The following MAP2K2 variants were observed in gnomAD, a reference collection of about 807,000 sequenced individuals.
MAP2K2 encodes mitogen-activated protein kinase kinase 2.
In MAP2K2, 24 loss-of-function variants were observed where a neutral mutation model predicts 43.7. The observed-to-expected ratio is 0.55, with a 90% confidence interval of 0.40 to 0.77. MAP2K2 has a LOEUF of 0.77. MAP2K2 is among the 30% of genes least tolerant of loss of function. MAP2K2 has a pLI of 0.00. For missense variants in MAP2K2, 470 were observed against 566.8 expected, an observed-to-expected ratio of 0.83 and a Z score of 1.73; for synonymous variants, 244 against 239.7, an observed-to-expected ratio of 1.02 and a Z score of -0.17.
intron 3 of MAP2K2, among the ~76,000 whole-genome samples, chr19:4,105,635 C>T (rs2041076752): frequency 1.3e-5 from 2 of 152,126 alleles, no homozygotes; most frequent in African/African-American, 4.8e-5. Context: ...ATCACTTCCA[C>T]CATTCCCCCC....
intron 1 of MAP2K2, among the ~76,000 whole-genome samples, chr19:4,120,572 C>T (rs1373154514): frequency 6.6e-6 from 1 of 152,220 alleles, no homozygotes; most frequent in Non-Finnish European, 1.5e-5. Flanking sequence ...CCACCTTGGC[C>T]TCCCAAAGGG....
intron 4 of MAP2K2, 58 bp downstream of exon 4, chr19:4,102,318 T>G (rs960478288): frequency 4.2e-6 from 6 of 1,434,426 alleles, no homozygotes; most frequent in Non-Finnish European, 5.7e-6. Context: ...CCTGGCCGTG[T>G]GGAAGAGGTC....
intron 3 of MAP2K2, among the ~76,000 whole-genome samples, chr19:4,107,416 C>T (rs886631501): frequency 2.9e-5 from 4 of 138,720 alleles, no homozygotes; most frequent in African/African-American, 1.1e-4. Flanking sequence ...CCCAGCTACT[C>T]GGGAGGCTGA....
At chr19:4,094,588 C>G (rs577250529) in intron 9 of MAP2K2, 90 bp from the exon 10 acceptor site, 1 of 1,298,610 alleles carries the variant, frequency 7.7e-7, no homozygotes, top group African/African-American at 1.5e-5. Flanking sequence ...GCGTGTGGGC[C>G]GTGGTCGGAG....
intron 3 of MAP2K2, chr19:4,103,081 G>C (rs2041038203): frequency 2.0e-6 from 2 of 1,017,816 alleles, no homozygotes; most frequent in Admixed American, 5.1e-5. Flanking sequence ...GCCAGGCCGA[G>C]TAGGACCAGG....
chr19:4,096,225 C>G (rs1015886483), intron 8 of MAP2K2, among the ~76,000 whole-genome samples: 2 of 152,226 alleles, frequency 1.3e-5, no homozygotes, highest in East Asian at 1.9e-4. Flanking sequence ...GGGGAGAGGT[C>G]GGGGGATGTG....
intron 3 of MAP2K2, among the ~76,000 whole-genome samples, chr19:4,107,823 C>T (rs2041104230): frequency 6.6e-6 from 1 of 152,218 alleles, no homozygotes; most frequent in South Asian, 2.1e-4. Flanking sequence ...ATGGATGCAA[C>T]ACCTGTGCGT....
chr19:4,095,095 G>A, intron 9 of MAP2K2: 1 of 413,278 alleles, frequency 2.4e-6, no homozygotes, highest in Non-Finnish European at 4.5e-6. Context: ...AGGGGTCCGG[G>A]GACCAGACAG....
At chr19:4,102,773 C>T (rs955689421) in intron 3 of MAP2K2, 26 of 1,270,228 alleles carry the variant, frequency 2.0e-5, no homozygotes, top group South Asian at 1.8e-4. Flanking sequence ...AAGCCGCGGC[C>T]GGGGGCTCAG....
chr19:4,117,328 G>A, intron 2 of MAP2K2, 91 bp downstream of exon 2: 1 of 1,201,760 alleles, frequency 8.3e-7, no homozygotes, highest in Non-Finnish European at 1.2e-6. Context: ...TAATCAGAAT[G>A]CAGAGACCCG....
At chr19:4,092,143 G>A (rs1340500431) in intron 10 of MAP2K2, among the ~76,000 whole-genome samples, 1 of 152,190 alleles carries the variant, frequency 6.6e-6, no homozygotes, top group Non-Finnish European at 1.5e-5. Flanking sequence ...AGGACCTTGG[G>A]CCCCTGAATG....
chr19:4,106,236 T>A (rs897459911), intron 3 of MAP2K2, among the ~76,000 whole-genome samples: 4 of 151,912 alleles, frequency 2.6e-5, no homozygotes, highest in African/African-American at 9.7e-5. Context: ...AGAGACCCTA[T>A]CTCTACACAA....
chr19:4,099,289 G>A lies in MAP2K2; in HGVS notation c.831C>T (p.Ala277=), dbSNP rs2145049984. Residue 277 remains alanine, a synonymous_variant, in exon 7 of 11, where the codon GCC becomes GCT. Coordinates refer to ENST00000262948, the MANE Select transcript of MAP2K2 (RefSeq NM_030662.4). ...IPPPDAKELE[A]IFGRPVVDGE... ...CGTCGACCACGGGCCGGCCAAAGATGGCCTCCAGCTCTTTGGCGTCGGGCG... is the reference window on the plus strand; with the variant it reads ...CGTCGACCACGGGCCGGCCAAAGATAGCCTCCAGCTCTTTGGCGTCGGGCG... The A allele has an allele frequency of 6.2e-7, 1 of 1,607,464 alleles. No individual in the cohort carries two copies. Among genetic ancestry groups the A allele is most frequent in the Middle Eastern group, 1.7e-4 (1 of 6,054 alleles).
chr19:4,123,807 G>C lies in MAP2K2; in HGVS notation c.69C>G (p.Ser23=). The C allele has an allele frequency of 6.4e-7, 1 of 1,566,106 alleles. No individual in the cohort carries two copies. The highest frequency in any genetic ancestry group is 1.2e-5 in the South Asian group (1 of 85,056). Residue 23 remains serine, a synonymous_variant, in exon 1 of 11, where the codon TCC becomes TCG. Coordinates refer to ENST00000262948, the MANE Select transcript of MAP2K2 (RefSeq NM_030662.4). The part of the protein sequence containing the change: ...TINPTIAEGP[S]PTSEGASEAN... ...ACTCGGAGGCGCCCTCGCTGGTAGG[G>C]GATGGGCCCTCGGCGATGGTAGGGT... is the stretch of plus-strand genomic sequence containing the variant.
intron 1 of MAP2K2, among the ~76,000 whole-genome samples, chr19:4,119,569 T>A (rs538978640): frequency 1.4e-4 from 22 of 152,372 alleles, no homozygotes; most frequent in African/African-American, 5.0e-4. Flanking sequence ...AAAAATGTTA[T>A]CATTTTCAAC....
At chr19:4,114,575 C>T (rs1053012514) in intron 2 of MAP2K2, among the ~76,000 whole-genome samples, 2 of 152,232 alleles carry the variant, frequency 1.3e-5, no homozygotes, top group Non-Finnish European at 1.5e-5. Context: ...CCAGGTAACG[C>T]GGGGACGCTG....
intron 1 of MAP2K2, 69 bp from the exon 2 acceptor site, chr19:4,117,698 C>T (rs1385501788): frequency 4.3e-6 from 6 of 1,398,768 alleles, no homozygotes; most frequent in South Asian, 3.5e-5. Context: ...GCTATGTGGC[C>T]GTGGTGCATC....
intron 9 of MAP2K2, chr19:4,095,090 T>G: frequency 2.5e-6 from 1 of 394,294 alleles, no homozygotes; most frequent in Non-Finnish European, 4.7e-6. Context: ...ACACCAGGGG[T>G]CCGGGGACCA....
intron 2 of MAP2K2, among the ~76,000 whole-genome samples, chr19:4,116,645 G>A (rs903804070): frequency 1.1e-4 from 16 of 152,172 alleles, no homozygotes; most frequent in African/African-American, 3.6e-4. Context: ...CCCATGCTCT[G>A]TACAGCGCAG....
Sources: allele counts gnomAD v4.1 joint callset (sites outside exome capture counted in the v4.1 genomes callset), GRCh38; gene constraint gnomAD v4.1.1; transcripts MANE v1.5; gene names NCBI Gene and HGNC (gene_info 2026-07-23, HGNC 2026-07-21).